The following SLFN14 variants were observed in gnomAD, a reference collection of about 807,000 sequenced individuals.
SLFN14 encodes schlafen family member 14.
A neutral mutation model predicts 58.6 loss-of-function variants in SLFN14; 47 were observed. That is an observed-to-expected ratio of 0.80 (90% confidence interval 0.64 to 1.02). The LOEUF (loss-of-function observed/expected upper bound fraction) is 1.02, where lower values mean the gene tolerates loss of function less well. Among genes scored for constraint, SLFN14 ranks in the 50% least tolerant of loss-of-function variants. The probability of loss-of-function intolerance (pLI) is 0.00; values close to 1 mark genes in which losing one functional copy is unlikely to be tolerated. For synonymous variants in SLFN14, 390 were observed against 387.3 expected (o/e 1.01, Z -0.08); for missense variants, 967 against 1,078.4 (o/e 0.90, Z 1.45).
At chr17:35,552,479 G>T (rs1375252320) in intron 5 of SLFN14, among the ~76,000 whole-genome samples, 2 of 152,032 alleles carry the variant, frequency 1.3e-5, no homozygotes, top group Non-Finnish European at 2.9e-5. Context: ...CACAGCAGGA[G>T]GGACAATGAT....
Position 35,557,418 on chromosome 17 carries a change from G to A in SLFN14, c.645C>T (p.Phe215=), listed in dbSNP as rs986659517. 3 of 1,551,606 alleles carry A rather than the reference G, an allele frequency of 1.9e-6. No homozygotes were observed. The highest frequency in any genetic ancestry group is 2.4e-5 in the South Asian group (2 of 84,024). Residue 215 remains phenylalanine (F), a synonymous_variant, in exon 3 of 6, where the codon TTC becomes TTT. Coordinates refer to ENST00000674182, the MANE Select transcript of SLFN14 (RefSeq NM_001129820.2). ...TESTHVEFKR[F]TTKKVIPRIK... The stretch of plus-strand genomic sequence containing the variant: ...TCCGAGGTATGACTTTTTTGGTGGT[G>A]AACCTTTTAAATTCAACATGTGTTG...
Position 35,549,000 on chromosome 17 carries a change from C to G in SLFN14, c.1978G>C (p.Val660Leu), listed in dbSNP as rs1294194369. Residue 660 changes from valine (V) to leucine (L), a missense_variant, in exon 6 of 6, where the codon GTG becomes CTG. Val to Leu is a conservative substitution (Grantham distance 32, BLOSUM62 1). Transcript: ENST00000674182. ...QGEFLKIKHI[V>L]MDETENFCSK... Reference sequence around the variant, plus strand: ...CAGAAATTCTCAGTCTCATCCATCACTATGTGTTTAATCTTTAGAAACTCC... The same window carrying G: ...CAGAAATTCTCAGTCTCATCCATCAGTATGTGTTTAATCTTTAGAAACTCC... The G allele has an allele frequency of 8.4e-6, 13 of 1,551,696 alleles. No homozygotes were observed. The highest frequency in any genetic ancestry group is 2.0e-5 in the Admixed American group (1 of 51,006).
chr17:35,548,421 T>C lies in SLFN14; in HGVS notation c.2557A>G (p.Thr853Ala). Residue 853 changes from threonine to alanine, a missense_variant, in exon 6 of 6, where the codon ACC (threonine) becomes GCC (alanine). Coordinates refer to ENST00000674182, the MANE Select transcript of SLFN14 (RefSeq NM_001129820.2). ...RPSEVVFSPA[T>A]GVWGSHIVLD... ...ACAATGTGACTTCCCCAAACACCGG[T>C]GGCCGGGCTAAACACAACCTCTGAT... is the stretch of plus-strand genomic sequence containing the variant. 1.3e-6 allele frequency: 2 copies of C among 1,551,716 alleles called. No homozygotes were observed. Among genetic ancestry groups the C allele is most frequent in the Non-Finnish European group, 1.7e-6 (2 of 1,146,992 alleles).
Position 35,548,997 on chromosome 17 carries a change from T to C in SLFN14, c.1981A>G (p.Met661Val). ...GEFLKIKHIV[M>V]DETENFCSKY... ...CTGCAGAAATTCTCAGTCTCATCCA[T>C]CACTATGTGTTTAATCTTTAGAAAC... The change falls in exon 6 of 6, where the codon ATG becomes GTG. Residue 661 changes from methionine to valine, a missense_variant. By Grantham distance (21) the Met-to-Val change is conservative. Coordinates refer to ENST00000674182, the MANE Select transcript of SLFN14 (RefSeq NM_001129820.2). 6.4e-7 allele frequency: 1 copy of C among 1,551,712 alleles called. No homozygotes were observed. Among genetic ancestry groups the C allele is most frequent in the Non-Finnish European group, 8.7e-7 (1 of 1,146,994 alleles).
At chr17:35,554,474 G>T in intron 4 of SLFN14, 102 bp downstream of exon 4, 2 of 901,384 alleles carry the variant, frequency 2.2e-6, no homozygotes, top group Non-Finnish European at 2.9e-6. Context: ...TCCTTCATTT[G>T]ACCTTCCCTA....
At chr17:35,551,749 T>C (rs1318221513) in intron 5 of SLFN14, among the ~76,000 whole-genome samples, 1 of 152,038 alleles carries the variant, frequency 6.6e-6, no homozygotes, top group Non-Finnish European at 1.5e-5. Context: ...CTGTTTATTT[T>C]TAGGGGAAGA....
At position 35,548,209 on chromosome 17, in the gene SLFN14, C is replaced by T; in HGVS notation, c.*30G>A. ...GTCTAGGAGAAAGGACTCTGCTCTTCCTGTCTTCCTCTATTATTTGTAATA... is the reference window on the plus strand; with the variant it reads ...GTCTAGGAGAAAGGACTCTGCTCTTTCTGTCTTCCTCTATTATTTGTAATA... On this transcript the variant is annotated 3_prime_UTR_variant, in exon 6 of 6. Coordinates refer to ENST00000674182, the MANE Select transcript of SLFN14 (RefSeq NM_001129820.2). 6.5e-7 allele frequency: 1 copy of T among 1,539,854 alleles called. No homozygotes were observed. The highest frequency in any genetic ancestry group is 8.8e-7 in the Non-Finnish European group (1 of 1,140,104).
chr17:35,555,305 G>A (rs1010697903), intron 3 of SLFN14, among the ~76,000 whole-genome samples: 2 of 151,988 alleles, frequency 1.3e-5, no homozygotes, highest in African/African-American at 2.4e-5. Context: ...CCAGGAGACG[G>A]AGCTTGCAGT....
chr17:35,560,066 T>C (rs570318206), intron 1 of SLFN14, among the ~76,000 whole-genome samples: 1 of 151,948 alleles, frequency 6.6e-6, no homozygotes, highest in South Asian at 2.1e-4. Flanking sequence ...TCACTACCTA[T>C]CAAATAGTCC....
Position 35,557,817 on chromosome 17 carries a change from A to G in SLFN14, c.246T>C (p.Thr82=), listed in dbSNP as rs1567717805. 1 of 1,551,742 alleles carries G rather than the reference A, an allele frequency of 6.4e-7. No homozygotes were observed. Among genetic ancestry groups the G allele is most frequent in the Admixed American group, 2.0e-5 (1 of 51,006 alleles). The change falls in exon 3 of 6, where the codon ACT becomes ACC. Residue 82 remains threonine (T), a synonymous_variant. Transcript: ENST00000674182. ...CTGAAGGAAGGAGCTTTTGAAAAGA[A>G]GTTTCCAAATCCTGTCCCAGCCCAT... ...QCHGLGQDLE[T]SFQKLLPSGS...
At position 35,557,997 on chromosome 17, in the gene SLFN14, C is replaced by T; in HGVS notation, c.66G>A (p.Val22=). The T allele has an allele frequency of 5.2e-6, 8 of 1,551,602 alleles. No homozygotes were observed. The highest frequency in any genetic ancestry group is 7.0e-6 in the Non-Finnish European group (8 of 1,146,994). The change falls in exon 3 of 6, where the codon GTG becomes GTA. Residue 22 remains valine, a synonymous_variant. Transcript: ENST00000674182. ...TCTTCCTGTTTTCTTCTCCAAAAAT[C>T]ACTCTGCCCACATCTACTATTACCT... ...YPEVIVDVGR[V]IFGEENRKKM...
chr17:35,545,266 C>A lies in SLFN14; in HGVS notation c.*2973G>T, dbSNP rs1743037863. The stretch of plus-strand genomic sequence containing the variant: ...TTGAATCATTGTAGATTCTAGTTTT[C>A]TAAAAGCTACAAGTACAATTCAGCA... On this transcript the variant is annotated 3_prime_UTR_variant, in exon 6 of 6. Coordinates refer to ENST00000674182, the MANE Select transcript of SLFN14 (RefSeq NM_001129820.2). Among the ~76,000 whole-genome samples, 1 of 152,174 alleles carries A rather than the reference C, an allele frequency of 6.6e-6. No homozygotes were observed. The highest frequency in any genetic ancestry group is 2.4e-5 in the African/African-American group (1 of 41,444).
intron 4 of SLFN14, among the ~76,000 whole-genome samples, chr17:35,553,935 C>T (rs1230838948): frequency 6.6e-6 from 1 of 152,088 alleles, no homozygotes; most frequent in Admixed American, 6.6e-5. Context: ...CCACCATGCC[C>T]GGCCTGAGAA....
intron 5 of SLFN14, among the ~76,000 whole-genome samples, chr17:35,552,306 A>G (rs321606): frequency 0.76 from 115,869 of 151,974 alleles, 44,874 homozygotes; most frequent in African/African-American, 0.9. Context: ...GGCTGACTAA[A>G]AATCCCTAAG....
chr17:35,544,586 T>TGG lies in SLFN14; in HGVS notation c.*3651_*3652dup, dbSNP rs1237393563. ...TCTTGTTGCCCAGGCTGAAGTGCAG[T>TGG]GGCGCAATCTCAGCTCACTGCAACC... On this transcript the variant is annotated 3_prime_UTR_variant, in exon 6 of 6. Transcript: ENST00000674182. 6.6e-6 allele frequency among the ~76,000 whole-genome samples: 1 copy of TGG among 151,030 alleles called. No homozygotes were observed. Among genetic ancestry groups the TGG allele is most frequent in the Non-Finnish European group, 1.5e-5 (1 of 67,914 alleles).
In SLFN14 at chr17:35,552,775, T is replaced by C. The variant is rs1567711824; in HGVS notation, c.1859A>G (p.Glu620Gly). 6.4e-7 allele frequency: 1 copy of C among 1,551,202 alleles called. No homozygotes were observed. The highest frequency in any genetic ancestry group is 8.7e-7 in the Non-Finnish European group (1 of 1,146,896). The change falls in exon 5 of 6, where the codon GAG (glutamate) becomes GGG (glycine). Residue 620 changes from glutamate to glycine, a missense_variant. Physicochemically the swap from Glu to Gly is moderately conservative, Grantham distance 98 (BLOSUM62 -2). Coordinates refer to ENST00000674182, the MANE Select transcript of SLFN14 (RefSeq NM_001129820.2). ...GTCGCTTTCACAAACATAGAGGATC[T>C]CTTTTGGTTTGCAGTGAAACAAGTC... ...IKDLFHCKPK[E>G]ILYVCESDSL...
In SLFN14 at chr17:35,554,717, A is replaced by G. The variant is rs1362357492; in HGVS notation, c.1061-13T>C. On this transcript the variant is annotated splice_polypyrimidine_tract_variant and intron_variant, in intron 3 of 5. Coordinates refer to ENST00000674182, the MANE Select transcript of SLFN14 (RefSeq NM_001129820.2). ...AAACTGGGAGGAGCTAGACAATTAC[A>G]TGGAAAGTTGTTTCAGACAAAAAAT... 6.0e-6 allele frequency: 8 copies of G among 1,341,762 alleles called. No individual in the cohort carries two copies. Among genetic ancestry groups the G allele is most frequent in the Non-Finnish European group, 7.7e-6 (8 of 1,038,982 alleles). 83.1% of individuals were successfully genotyped at this position (1,341,762 alleles called of 1,614,324 possible).
rs1451502218 is a variant in SLFN14, at chr17:35,557,717, C to T, written c.346G>A (p.Val116Ile). Residue 116 changes from valine to isoleucine, a missense_variant, in exon 3 of 6, where the codon GTT becomes ATT. Transcript: ENST00000674182. Reference sequence around the variant, plus strand: ...CAAATCCTTAGTGGAAGGCTGAAAACATCTGGGCTCCATGACTTCACAAAA... The same window carrying T: ...CAAATCCTTAGTGGAAGGCTGAAAATATCTGGGCTCCATGACTTCACAAAA... ...LIFVKSWSPD[V>I]FSLPLRICSL... 1.9e-6 allele frequency: 3 copies of T among 1,551,610 alleles called. No individual in the cohort carries two copies. The highest frequency in any genetic ancestry group is 2.7e-5 in the African/African-American group (2 of 73,070).
chr17:35,555,913 C>T (rs1210381374), intron 3 of SLFN14, among the ~76,000 whole-genome samples: 2 of 152,202 alleles, frequency 1.3e-5, no homozygotes, highest in Non-Finnish European at 2.9e-5. Flanking sequence ...CTTGGTGGTG[C>T]CCTAAGCCCA....
Sources: allele counts gnomAD v4.1 joint callset (sites outside exome capture counted in the v4.1 genomes callset), GRCh38; gene constraint gnomAD v4.1.1; transcripts MANE v1.5; gene names NCBI Gene and HGNC (gene_info 2026-07-23, HGNC 2026-07-21).